The following XYLT1 variants were observed in gnomAD, a reference collection of about 807,000 sequenced individuals.
XYLT1 encodes beta-D-xylosyltransferase 1.
XYLT1 carries 36 observed loss-of-function variants against 91.3 expected under a neutral mutation model. The ratio of observed to expected loss-of-function variants is 0.39; its 90% confidence interval spans 0.30 to 0.52. The LOEUF is 0.52. Among genes scored for constraint, XYLT1 ranks in the 20% least tolerant of loss-of-function variants. The pLI is 0.68. For synonymous variants in XYLT1, 588 were observed against 532.0 expected (o/e 1.11, Z -1.45); for missense variants, 1,242 against 1,284.5 (o/e 0.97, Z 0.51).
At chr16:17,221,829 G>A (rs139666850) in intron 3 of XYLT1, among the ~76,000 whole-genome samples, 1 of 152,242 alleles carries the variant, frequency 6.6e-6, no homozygotes, top group African/African-American at 2.4e-5. Context: ...CTAAAATCCA[G>A]TATGAGCCAG....
chr16:17,441,647 C>A (rs908124023), intron 1 of XYLT1, among the ~76,000 whole-genome samples: 2 of 152,144 alleles, frequency 1.3e-5, no homozygotes, highest in Admixed American at 1.3e-4. Context: ...ATTTCAAATT[C>A]TTGGATGATT....
chr16:17,161,438 C>A (rs9940570), intron 5 of XYLT1, among the ~76,000 whole-genome samples: 1 of 151,978 alleles, frequency 6.6e-6, no homozygotes, highest in Non-Finnish European at 1.5e-5. Context: ...CCCCTGCCTA[C>A]CCCCCTTGCT....
At chr16:17,287,103 C>T (rs1361859231) in intron 2 of XYLT1, among the ~76,000 whole-genome samples, 1 of 152,138 alleles carries the variant, frequency 6.6e-6, no homozygotes, top group Non-Finnish European at 1.5e-5. Context: ...ACTTAACTCC[C>T]TCCTGTAGTT....
intron 2 of XYLT1, among the ~76,000 whole-genome samples, chr16:17,339,979 C>T (rs767035947): frequency 6.6e-6 from 1 of 151,924 alleles, no homozygotes; most frequent in Non-Finnish European, 1.5e-5. Context: ...ATGCATCCAT[C>T]ACCCCTTGTC....
At chr16:17,381,701 AC>A (rs2035682593) in intron 1 of XYLT1, among the ~76,000 whole-genome samples, 1 of 152,224 alleles carries the variant, frequency 6.6e-6, no homozygotes, top group South Asian at 2.1e-4. Flanking sequence ...TGCTGGGAAT[AC>A]AGGTGTGAGC....
intron 10 of XYLT1, among the ~76,000 whole-genome samples, chr16:17,122,760 T>C (rs945354723): frequency 6.6e-6 from 1 of 152,230 alleles, no homozygotes; most frequent in Non-Finnish European, 1.5e-5. Context: ...TTGATTATTG[T>C]ATAAGGTGAG....
intron 1 of XYLT1, among the ~76,000 whole-genome samples, chr16:17,462,935 C>T (rs1366222935): frequency 6.6e-6 from 1 of 152,150 alleles, no homozygotes; most frequent in Non-Finnish European, 1.5e-5. Context: ...TAAACCCACA[C>T]TTTAATATCA....
intron 1 of XYLT1, 99 bp downstream of exon 1, chr16:17,470,335 T>TCCCA: frequency 8.5e-7 from 1 of 1,183,166 alleles, no homozygotes; most frequent in Non-Finnish European, 1.1e-6. Flanking sequence ...GCTTGCAGAG[T>TCCCA]CCCAGTCTGA....
chr16:17,367,802 C>T (rs969947700), intron 1 of XYLT1, among the ~76,000 whole-genome samples: 2 of 152,134 alleles, frequency 1.3e-5, no homozygotes, highest in African/African-American at 2.4e-5. Context: ...CCTAGATGTC[C>T]GTCCCTGACC....
intron 3 of XYLT1, among the ~76,000 whole-genome samples, chr16:17,232,450 C>T (rs71390572): frequency 0.056 from 6,276 of 112,736 alleles, 222 homozygotes; most frequent in African/African-American, 0.086. Flanking sequence ...TATATATATA[C>T]ATATATATAT....
intron 2 of XYLT1, among the ~76,000 whole-genome samples, chr16:17,261,000 G>A (rs576695395): frequency 3.3e-5 from 5 of 152,214 alleles, no homozygotes; most frequent in East Asian, 3.9e-4. Flanking sequence ...TTGGGAGGCC[G>A]AGGCAGGTGA....
chr16:17,349,999 A>G (rs7201385), intron 2 of XYLT1, among the ~76,000 whole-genome samples: 90,243 of 151,610 alleles, frequency 0.6, 29,570 homozygotes, highest in African/African-American at 0.86. Flanking sequence ...TCAGCCTCCC[A>G]AATAGCTGGG....
chr16:17,335,694 CAAA>C (rs34629667), intron 2 of XYLT1, among the ~76,000 whole-genome samples: 2 of 125,466 alleles, frequency 1.6e-5, no homozygotes, highest in African/African-American at 2.9e-5. Context: ...AACTCCATCT[CAAA>C]AAAAAAAAAA....
intron 3 of XYLT1, among the ~76,000 whole-genome samples, chr16:17,234,453 C>A (rs1387950922): frequency 6.6e-6 from 1 of 151,968 alleles, no homozygotes; most frequent in East Asian, 1.9e-4. Context: ...CACCCGTTTG[C>A]CTAATGAATA....
chr16:17,148,568 A>C (rs1006553129), intron 6 of XYLT1, among the ~76,000 whole-genome samples: 1 of 152,370 alleles, frequency 6.6e-6, no homozygotes. Flanking sequence ...GCAATCAGGC[A>C]GTCACAGACT....
chr16:17,270,450 G>A (rs756146960), intron 2 of XYLT1, among the ~76,000 whole-genome samples: 1 of 152,146 alleles, frequency 6.6e-6, no homozygotes, highest in Non-Finnish European at 1.5e-5. Flanking sequence ...ACTGCAGGCA[G>A]GTGGCAGGGA....
At position 17,127,872 on chromosome 16, in the gene XYLT1, A is replaced by C; in HGVS notation, c.2028-11T>G. The C allele has an allele frequency of 6.2e-7, 1 of 1,611,210 alleles. No individual in the cohort carries two copies. The highest frequency in any genetic ancestry group is 8.5e-7 in the Non-Finnish European group (1 of 1,178,866). On this transcript the variant is annotated splice_polypyrimidine_tract_variant and intron_variant, in intron 9 of 11. Transcript: ENST00000261381. ...CCCATTGGGTAGTATCTGAAAACACAGGCGCTCATGCATTAGGGCCCAAGG... is the reference window on the plus strand; with the variant it reads ...CCCATTGGGTAGTATCTGAAAACACCGGCGCTCATGCATTAGGGCCCAAGG...
chr16:17,308,147 G>A (rs971170421), intron 2 of XYLT1, among the ~76,000 whole-genome samples: 5 of 152,144 alleles, frequency 3.3e-5, no homozygotes, highest in East Asian at 3.9e-4. Flanking sequence ...AAAGGGGCAC[G>A]GAGAATTGAA....
rs1332867201 is a variant in XYLT1 at position 17,236,512 on chromosome 16, C to T, written c.913+22476G>A. ...TGGGACTGTGACCTCAGTGGGACAT[C>T]GGACTGGTGATGCCCATTGTAGTTT... is the stretch of plus-strand genomic sequence containing the variant. On this transcript the variant is annotated intron_variant, in intron 3 of 11. Transcript: ENST00000261381. Among the ~76,000 whole-genome samples the T allele has an allele frequency of 2.0e-5, 3 of 151,804 alleles. No homozygotes were observed. In the South Asian group the frequency reaches 6.2e-4, roughly 32 times the overall value.
Sources: gnomAD v4.1 joint callset for allele counts (sites outside exome capture counted in the v4.1 genomes callset) on GRCh38, gnomAD v4.1.1 for gene constraint, MANE v1.5 for transcripts, NCBI Gene and HGNC (gene_info 2026-07-23, HGNC 2026-07-21) for gene names.